ASH1L: variants seen among roughly 807,000 people sequenced by gnomAD.
ASH1L encodes histone-lysine N-methyltransferase ASH1L.
Under a neutral mutation model 269.0 loss-of-function variants are expected in ASH1L, and 23 were observed. The ratio of observed to expected loss-of-function variants is 0.09; its 90% CI spans 0.06 to 0.12. The LOEUF (loss-of-function observed/expected upper bound fraction) is 0.12, where lower values mean the gene tolerates loss of function less well. Ranked by LOEUF, ASH1L falls within the 10% of genes least tolerant of loss-of-function variation. The probability of loss-of-function intolerance (pLI) is 1.00; values close to 1 mark genes in which losing one functional copy is unlikely to be tolerated. For synonymous variants in ASH1L, 1,187 were observed against 1,253.5 expected, an observed-to-expected ratio of 0.95 and a Z score of 1.12; for missense variants, 2,912 against 3,567.8, an observed-to-expected ratio of 0.82 and a Z score of 4.68.
At position 155,352,691 on chromosome 1, in the gene ASH1L, G is replaced by A. The variant is rs775556054; in HGVS notation, c.7366+15C>T. The stretch of plus-strand genomic sequence containing the variant: ...AAAAGAAAAAAAGAACGAATTTGAA[G>A]GTGGTTATAGTCACCTTTATAAGAG... On this transcript the variant is annotated intron_variant, in intron 17 of 27. Transcript: ENST00000392403. The A allele has an allele frequency of 5.8e-6, 9 of 1,555,982 alleles. No individual in the cohort carries two copies. Among genetic ancestry groups the A allele is most frequent in the Admixed American group, 2.2e-5 (1 of 45,784 alleles).
chr1:155,514,536 T>C (rs1428718582), intron 2 of ASH1L, among the ~76,000 whole-genome samples: 1 of 150,900 alleles, frequency 6.6e-6, no homozygotes, highest in Admixed American at 6.6e-5. Context: ...AATGATTACT[T>C]GCTGTTTATT....
Position 155,478,435 on chromosome 1 carries a change from C to G in ASH1L, c.4435G>C (p.Val1479Leu). Reference sequence around the variant, plus strand: ...TGACGGTGCCTGTGTTTGTGCTCAACCATCCAACCATAGGCCATCTCAGGA... The same window carrying G: ...TGACGGTGCCTGTGTTTGTGCTCAAGCATCCAACCATAGGCCATCTCAGGA... ...VPPEMAYGWM[V>L]EHKHRHRHKH... The change falls in exon 3 of 28, where the codon GTT becomes CTT. Residue 1479 changes from valine (V) to leucine (L), a missense_variant. This residue lies in a region of ASH1L where 789 missense variants were observed against 897.6 expected (regional missense o/e 0.88). Transcript: ENST00000392403. The surrounding 1 kb of genome is among the most constrained non-coding windows in gnomAD (Gnocchi z 4.6). 2 of 1,614,118 alleles carry G rather than the reference C, an allele frequency of 1.2e-6. No individual in the cohort carries two copies.
At chr1:155,371,244 T>C (rs1015132169) in intron 10 of ASH1L, among the ~76,000 whole-genome samples, 1 of 152,202 alleles carries the variant, frequency 6.6e-6, no homozygotes, top group Non-Finnish European at 1.5e-5. Flanking sequence ...AACATTATCA[T>C]ATTTATCTAT....
At chr1:155,546,942 ATTCT>A (rs1670869418) in intron 1 of ASH1L, among the ~76,000 whole-genome samples, 1 of 130,814 alleles carries the variant, frequency 7.6e-6, no homozygotes, top group Non-Finnish European at 1.6e-5. Flanking sequence ...GTTTCATCAC[ATTCT>A]TTTTTTTTTT....
rs1300684079 is a variant in ASH1L at position 155,343,452 on chromosome 1, G to A, written c.8155C>T (p.Arg2719Cys). The change falls in exon 24 of 28, where the codon CGT becomes TGT. Residue 2719 changes from arginine to cysteine, a missense_variant. Physicochemically the swap from Arg to Cys is radical, Grantham distance 180. Coordinates refer to ENST00000392403, the MANE Select transcript of ASH1L (RefSeq NM_018489.3). This position sits in a 1 kb window ranked among gnomAD's most constrained non-coding sequence, Gnocchi z 6.1. ...GGAGAGTGGTGTGTTTCGTGGGGAC[G>A]GAAATAATGGTGACCAAAGGCAAAC... is the stretch of plus-strand genomic sequence containing the variant. ...ERFAFGHHYF[R>C]PHETHHSPSR... 1.9e-6 allele frequency: 3 copies of A among 1,614,120 alleles called. No homozygotes were observed. The highest frequency in any genetic ancestry group is 1.3e-5 in the African/African-American group (1 of 75,026).
intron 20 of ASH1L, among the ~76,000 whole-genome samples, chr1:155,347,041 T>C (rs1053548118): frequency 3.3e-5 from 5 of 152,200 alleles, no homozygotes; most frequent in Non-Finnish European, 5.9e-5. Flanking sequence ...CAAAGCACTA[T>C]ATGAAATACT....
intron 4 of ASH1L, among the ~76,000 whole-genome samples, chr1:155,445,808 T>A (rs1662967030): frequency 6.6e-6 from 1 of 152,134 alleles, no homozygotes; most frequent in Non-Finnish European, 1.5e-5. Context: ...AAAAAGACTT[T>A]GTATTTTTTT....
intron 1 of ASH1L, among the ~76,000 whole-genome samples, chr1:155,549,716 T>C (rs1671067483): frequency 6.6e-6 from 1 of 151,992 alleles, no homozygotes; most frequent in Admixed American, 6.6e-5. Flanking sequence ...GACTGGCACA[T>C]CCACAGATTT....
chr1:155,483,514 A>C (rs1666095957), intron 2 of ASH1L, among the ~76,000 whole-genome samples: 1 of 152,188 alleles, frequency 6.6e-6, no homozygotes, highest in Non-Finnish European at 1.5e-5. Flanking sequence ...AACAGGACAG[A>C]AAACATAAAA....
chr1:155,532,047 A>C (rs1669708151), intron 1 of ASH1L, among the ~76,000 whole-genome samples: 1 of 152,212 alleles, frequency 6.6e-6, no homozygotes, highest in Non-Finnish European at 1.5e-5. Context: ...TTTGGTTTCT[A>C]CTACAATATA....
Position 155,562,385 on chromosome 1 carries a change from T to A in ASH1L, c.-332A>T. On this transcript the variant is annotated 5_prime_UTR_variant, in exon 1 of 28. Transcript: ENST00000392403. ...GCGGGTCCCGCAACCGAGACTGGGA[T>A]CGTCTCCCCTCCGCAAAGCGAACCC... The A allele has an allele frequency of 6.7e-7, 1 of 1,502,576 alleles. No homozygotes were observed. The highest frequency in any genetic ancestry group is 9.1e-7 in the Non-Finnish European group (1 of 1,104,742). 93.1% of individuals were successfully genotyped at this position (1,502,576 alleles called of 1,614,324 possible).
chr1:155,420,031 A>G (rs1660536962), intron 5 of ASH1L, among the ~76,000 whole-genome samples: 2 of 152,180 alleles, frequency 1.3e-5, no homozygotes, highest in African/African-American at 4.8e-5. Context: ...AAACAGTAGA[A>G]TAGTAGCCAG....
In ASH1L at chr1:155,479,608, T is replaced by C. The variant is rs1665812632; in HGVS notation, c.3262A>G (p.Ile1088Val). Reference protein sequence around the residue: ...QQAAGSALGQILPPLLPSSAS... With the variant: ...QQAAGSALGQVLPPLLPSSAS... ...GATGAAGGCAGTAATGGGGGAAGAATCTGTCCTAATGCTGACCCAGCTGCC... is the reference window on the plus strand; with the variant it reads ...GATGAAGGCAGTAATGGGGGAAGAACCTGTCCTAATGCTGACCCAGCTGCC... The change falls in exon 3 of 28, where the codon ATT becomes GTT. Residue 1088 changes from isoleucine (I) to valine (V), a missense_variant. Coordinates refer to ENST00000392403, the MANE Select transcript of ASH1L (RefSeq NM_018489.3). 6.2e-7 allele frequency: 1 copy of C among 1,614,092 alleles called. No homozygotes were observed. The highest frequency in any genetic ancestry group is 1.7e-5 in the Admixed American group (1 of 60,004).
chr1:155,531,418 G>A (rs977261498), intron 1 of ASH1L, among the ~76,000 whole-genome samples: 2 of 151,518 alleles, frequency 1.3e-5, no homozygotes, highest in South Asian at 2.1e-4. Context: ...GTGCAGTGGC[G>A]TGATCTCGGC....
At chr1:155,556,353 C>A (rs1255886652) in intron 1 of ASH1L, among the ~76,000 whole-genome samples, 2 of 151,220 alleles carry the variant, frequency 1.3e-5, no homozygotes, top group Non-Finnish European at 2.9e-5. Flanking sequence ...GGCAACACAG[C>A]CAGACCCCAG....
intron 7 of ASH1L, among the ~76,000 whole-genome samples, chr1:155,386,527 A>G (rs896123745): frequency 1.3e-5 from 2 of 150,344 alleles, no homozygotes; most frequent in African/African-American, 4.9e-5. Flanking sequence ...CTGGGATTAC[A>G]GGCACGTGCC....
chr1:155,487,225 A>T lies in ASH1L; in HGVS notation c.421-4776T>A, dbSNP rs186826047. On this transcript the variant is annotated intron_variant, in intron 2 of 27. Coordinates refer to ENST00000392403, the MANE Select transcript of ASH1L (RefSeq NM_018489.3). ...AACACTGAATTAATGGAGCCAGAAA[A>T]ACAGAGTACCTATTCTGACTTCATT... Among the ~76,000 whole-genome samples, 53 of 152,260 alleles carry T rather than the reference A, an allele frequency of 3.5e-4. 1 individual carries two copies. Among genetic ancestry groups the T allele is most frequent in the Admixed American group, 2.7e-3 (41 of 15,288 alleles).
chr1:155,407,623 T>A (rs796789009), intron 6 of ASH1L, among the ~76,000 whole-genome samples: 1 of 152,164 alleles, frequency 6.6e-6, no homozygotes, highest in Non-Finnish European at 1.5e-5. Context: ...CAAATGTTCA[T>A]AGCAGCATTA....
chr1:155,556,436 GTGTATGTGTA>G (rs761960179), intron 1 of ASH1L, among the ~76,000 whole-genome samples: 1 of 135,414 alleles, frequency 7.4e-6, no homozygotes, highest in African/African-American at 2.6e-5. Flanking sequence ...GTGTGTGTGT[GTGTATGTGTA>G]TATATATATA....
Sources: gnomAD v4.1 joint callset for allele counts (sites outside exome capture counted in the v4.1 genomes callset) on GRCh38, gnomAD v4.1.1 for gene constraint, gnomAD v4.1.1 regional missense constraint, Gnocchi (gnomAD v3.1) non-coding constraint, MANE v1.5 for transcripts, NCBI Gene and HGNC (gene_info 2026-07-23, HGNC 2026-07-21) for gene names.